The following SPICE1 variants were observed in gnomAD, a reference collection of about 807,000 sequenced individuals.
The protein encoded by SPICE1 is spindle and centriole-associated protein 1.
Under a neutral mutation model 102.7 loss-of-function variants are expected in SPICE1, and 75 were observed. That is an observed-to-expected ratio of 0.73 (90% CI 0.61 to 0.88). The LOEUF is 0.88. Ranked by LOEUF, SPICE1 falls within the 40% of genes least tolerant of loss-of-function variation. The pLI, the probability that SPICE1 is intolerant of heterozygous loss-of-function variation, is 0.00. For missense variants in SPICE1, 979 were observed against 1,020.1 expected (o/e 0.96, Z 0.55); for synonymous variants, 308 against 350.3 (o/e 0.88, Z 1.35).
rs531955951 is a variant in SPICE1, at chr3:113,463,159, T to C, written c.1288-2395A>G. 7.1e-4 allele frequency among the ~76,000 whole-genome samples: 108 copies of C among 152,296 alleles called. 1 individual carries two copies. In the Middle Eastern group the frequency reaches 0.02, roughly 29 times the overall value. On this transcript the variant is annotated intron_variant, in intron 11 of 17. Transcript: ENST00000295872. Reference sequence around the variant, plus strand: ...CTCAGACAGGCATGGCCCATCTCATTTGTAACTGCATCCTACCCCATCCTA... The same window carrying C: ...CTCAGACAGGCATGGCCCATCTCATCTGTAACTGCATCCTACCCCATCCTA...
rs772725024 is a variant in SPICE1, at chr3:113,450,452, C to T, written c.2207G>A (p.Arg736Gln). 1.9e-6 allele frequency: 3 copies of T among 1,613,196 alleles called. No individual in the cohort carries two copies. Among genetic ancestry groups the T allele is most frequent in the South Asian group, 1.1e-5 (1 of 91,044 alleles). The change falls in exon 15 of 18, where the codon CGA (arginine) becomes CAA (glutamine). Residue 736 changes from arginine (R) to glutamine (Q), a missense_variant. Arg to Gln is a conservative substitution (Grantham distance 43). Coordinates refer to ENST00000295872, the MANE Select transcript of SPICE1 (RefSeq NM_144718.4). ...TTTTCCACGAGCCTCCATACTTTGTCGATTCAATTCTGCAATCCGTTCCTC... is the reference window on the plus strand; with the variant it reads ...TTTTCCACGAGCCTCCATACTTTGTTGATTCAATTCTGCAATCCGTTCCTC... ...SMEERIAELNRQSMEARGKLL... is the reference protein window; with the variant it reads ...SMEERIAELNQQSMEARGKLL...
chr3:113,456,467 T>C (rs986457799), intron 13 of SPICE1, among the ~76,000 whole-genome samples: 1 of 151,980 alleles, frequency 6.6e-6, no homozygotes, highest in Admixed American at 6.6e-5. Context: ...CCAGAAAAAA[T>C]GTACATGGGG....
In SPICE1 at chr3:113,443,263, A is replaced by G. The variant is rs2107433129; in HGVS notation, c.*2044T>C. The stretch of plus-strand genomic sequence containing the variant: ...TGGGAAAGATTAGATTAATTTGTCC[A>G]AAGTACACAGCTCAAGTGGCAGAAA... On this transcript the variant is annotated 3_prime_UTR_variant, in exon 18 of 18. Transcript: ENST00000295872. 6.6e-6 allele frequency: 1 copy of G among 152,352 alleles called. No homozygotes were observed. The highest frequency in any genetic ancestry group is 2.4e-5 in the African/African-American group (1 of 41,582). The allele number at this position is 152,352 out of a possible 1,614,324, so 9.4% of individuals were successfully genotyped here. A position where few individuals can be genotyped will look rare whatever the true frequency, so the allele number is the denominator to read the frequency against.
intron 7 of SPICE1, among the ~76,000 whole-genome samples, chr3:113,477,331 G>A (rs1936376847): frequency 6.6e-6 from 1 of 152,106 alleles, no homozygotes; most frequent in Non-Finnish European, 1.5e-5. Flanking sequence ...CTTTTACACT[G>A]TTGGTGGGAC....
At chr3:113,484,380 C>G (rs1936593920) in intron 7 of SPICE1, among the ~76,000 whole-genome samples, 1 of 152,048 alleles carries the variant, frequency 6.6e-6, no homozygotes, top group South Asian at 2.1e-4. Context: ...CTATCCCCTT[C>G]AGTTCTGCTT....
chr3:113,496,059 CTTTTTTTTT>C (rs10557473), intron 4 of SPICE1, among the ~76,000 whole-genome samples: 9 of 82,936 alleles, frequency 1.1e-4, no homozygotes, highest in South Asian at 4.9e-4. Context: ...TTTTTTACAA[CTTTTTTTTT>C]TTTTTTTTTT....
intron 12 of SPICE1, among the ~76,000 whole-genome samples, chr3:113,458,740 C>T (rs545243640): frequency 3.6e-4 from 55 of 152,008 alleles, no homozygotes; most frequent in African/African-American, 1.3e-3. Flanking sequence ...CACCTCTTCC[C>T]GGCCATCATC....
intron 4 of SPICE1, among the ~76,000 whole-genome samples, chr3:113,495,750 G>A (rs1011665780): frequency 2.6e-5 from 4 of 152,300 alleles, no homozygotes; most frequent in East Asian, 3.9e-4. Context: ...GTGAATGAAT[G>A]AGTATAATCT....
chr3:113,455,688 C>T (rs1935764900), intron 13 of SPICE1, among the ~76,000 whole-genome samples: 1 of 152,150 alleles, frequency 6.6e-6, no homozygotes, highest in African/African-American at 2.4e-5. Context: ...GTGAGTATTC[C>T]AAACAATGCT....
intron 3 of SPICE1, among the ~76,000 whole-genome samples, chr3:113,499,967 A>G (rs1226778183): frequency 6.6e-6 from 1 of 152,128 alleles, no homozygotes; most frequent in Non-Finnish European, 1.5e-5. Flanking sequence ...ATATACACAC[A>G]CTAACTGAGC....
At chr3:113,484,493 C>T (rs1010894992) in intron 7 of SPICE1, among the ~76,000 whole-genome samples, 7 of 152,090 alleles carry the variant, frequency 4.6e-5, no homozygotes, top group African/African-American at 1.7e-4. Flanking sequence ...TAGATCTTTC[C>T]TGCTTTCTCT....
At chr3:113,470,563 C>A (rs1576630639) in intron 7 of SPICE1, among the ~76,000 whole-genome samples, 2 of 152,306 alleles carry the variant, frequency 1.3e-5, no homozygotes, top group Middle Eastern at 6.8e-3. Context: ...AGGAAGGGTG[C>A]TAGACTCAAA....
chr3:113,458,117 T>C (rs1475555897), intron 12 of SPICE1, among the ~76,000 whole-genome samples: 1 of 152,234 alleles, frequency 6.6e-6, no homozygotes. Flanking sequence ...TAAATCTTTC[T>C]GACTTTTTCC....
At chr3:113,498,952 A>T (rs1559975008) in intron 4 of SPICE1, 2 of 151,708 alleles carry the variant, frequency 1.3e-5, no homozygotes. Context: ...ATACAACATC[A>T]TTTTTTTTTC....
intron 12 of SPICE1, 25 bp from the exon 13 acceptor site, chr3:113,457,382 T>C (rs1352896318): frequency 2.5e-6 from 4 of 1,607,968 alleles, no homozygotes; most frequent in East Asian, 2.2e-5. Flanking sequence ...AGGATATTAG[T>C]ACAATAGGAA....
At chr3:113,487,484 TGCCAAGTGCAATAAAC>T (rs753683958) in intron 7 of SPICE1, among the ~76,000 whole-genome samples, 160 of 152,300 alleles carry the variant, frequency 1.1e-3, no homozygotes, top group Non-Finnish European at 2.0e-3. Flanking sequence ...AAACAATGAC[TGCCAAGTGCAATAAAC>T]GCATCTAATA....
chr3:113,503,054 C>T (rs1314778444), intron 3 of SPICE1, 126 bp downstream of exon 3: 9 of 938,064 alleles, frequency 9.6e-6, no homozygotes, highest in Non-Finnish European at 1.3e-5. Flanking sequence ...TTTATATAGA[C>T]ATAAACAAGA....
At chr3:113,453,381 TGAAAAGAAGTTTCTTAA>T (rs1559957129) in intron 14 of SPICE1, 68 bp downstream of exon 14, 2 of 1,499,666 alleles carry the variant, frequency 1.3e-6, no homozygotes, top group Non-Finnish European at 1.8e-6. Context: ...GGATCACTTC[TGAAAAGAAGTTTCTTAA>T]GTTGCCCAAG....
intron 11 of SPICE1, among the ~76,000 whole-genome samples, chr3:113,464,690 C>CA (rs900814536): frequency 3.9e-5 from 6 of 151,958 alleles, no homozygotes; most frequent in Non-Finnish European, 8.8e-5. Flanking sequence ...CATATGAGAA[C>CA]AAAAAAGATG....
Sources: allele counts gnomAD v4.1 joint callset (sites outside exome capture counted in the v4.1 genomes callset), GRCh38; gene constraint gnomAD v4.1.1; transcripts MANE v1.5; gene names NCBI Gene and HGNC (gene_info 2026-07-23, HGNC 2026-07-21).